GULP1: variants seen among roughly 807,000 people sequenced by gnomAD.
The protein encoded by GULP1 is GULP PTB domain containing engulfment adaptor 1.
A neutral mutation model predicts 40.9 loss-of-function variants in GULP1; 19 were observed. That is an observed-to-expected ratio of 0.46 (90% confidence interval 0.32 to 0.68). The LOEUF is 0.68. Ranked by LOEUF, GULP1 falls within the 30% of genes least tolerant of loss-of-function variation. The pLI, the probability that GULP1 is intolerant of heterozygous loss-of-function variation, is 0.03. For missense variants in GULP1, 312 were observed against 362.2 expected, an observed-to-expected ratio of 0.86 and a Z score of 1.12; for synonymous variants, 119 against 117.6, an observed-to-expected ratio of 1.01 and a Z score of -0.08.
At chr2:188,457,013 C>T (rs528879197) in intron 2 of GULP1, among the ~76,000 whole-genome samples, 40 of 152,218 alleles carry the variant, frequency 2.6e-4, no homozygotes, top group African/African-American at 9.4e-4. Context: ...TGGTTTTGGT[C>T]AGTTTCTCCC....
intron 6 of GULP1, among the ~76,000 whole-genome samples, chr2:188,539,186 G>A (rs1184501036): frequency 6.6e-6 from 1 of 152,066 alleles, no homozygotes; most frequent in East Asian, 1.9e-4. Flanking sequence ...CACCAGCTAA[G>A]TGAATGTTGT....
In GULP1 at chr2:188,488,281, G is replaced by T. The variant is rs374647645; in HGVS notation, c.90+4789G>T. 4.6e-5 allele frequency among the ~76,000 whole-genome samples: 7 copies of T among 151,890 alleles called. No homozygotes were observed. In the East Asian group the frequency reaches 1.4e-3, roughly 30 times the overall value. ...ACAGTAATTAGAGCAGCCATTTCTG[G>T]GTCAAACTATTTGGGTTCAAACTTC... is the stretch of plus-strand genomic sequence containing the variant. On this transcript the variant is annotated intron_variant, in intron 4 of 11. Transcript: ENST00000409830.
At chr2:188,561,060 C>T (rs1363444926) in intron 7 of GULP1, among the ~76,000 whole-genome samples, 2 of 152,226 alleles carry the variant, frequency 1.3e-5, no homozygotes, top group Non-Finnish European at 2.9e-5. Context: ...GTGAGATCTG[C>T]CATTTCCTTG....
chr2:188,535,775 TC>T (rs1688785064), intron 6 of GULP1, among the ~76,000 whole-genome samples: 3 of 152,010 alleles, frequency 2.0e-5, no homozygotes, highest in Non-Finnish European at 4.4e-5. Flanking sequence ...TCTCCAAACT[TC>T]TCTCCATAGT....
At chr2:188,323,376 A>C (rs2040274032) in intron 1 of GULP1, among the ~76,000 whole-genome samples, 2 of 152,046 alleles carry the variant, frequency 1.3e-5, no homozygotes. Context: ...AACTGCCCTG[A>C]ACATAGGCTG....
intron 8 of GULP1, chr2:188,569,643 G>C (rs1698603206): frequency 5.1e-6 from 2 of 392,554 alleles, no homozygotes; most frequent in Non-Finnish European, 9.2e-6. Flanking sequence ...GCAGATGCTG[G>C]GTAAGTGGTT....
chr2:188,448,898 C>T (rs1311306041), intron 2 of GULP1, among the ~76,000 whole-genome samples: 4 of 152,186 alleles, frequency 2.6e-5, no homozygotes, highest in African/African-American at 9.7e-5. Context: ...TGCAACATGC[C>T]TGCTCCTGTT....
intron 7 of GULP1, among the ~76,000 whole-genome samples, chr2:188,568,177 CA>C (rs773769797): frequency 3.9e-5 from 6 of 152,012 alleles, no homozygotes; most frequent in Non-Finnish European, 2.9e-5. Context: ...AGATGATTAA[CA>C]AAGCATGTTT....
chr2:188,427,436 A>T (rs1056039950), intron 2 of GULP1, among the ~76,000 whole-genome samples: 15 of 152,228 alleles, frequency 9.9e-5, no homozygotes, highest in Middle Eastern at 3.2e-3. Flanking sequence ...AGCTCCTCCC[A>T]TTACAGGCAT....
chr2:188,386,991 C>T (rs1232177228), intron 2 of GULP1, among the ~76,000 whole-genome samples: 1 of 152,068 alleles, frequency 6.6e-6, no homozygotes, highest in African/African-American at 2.4e-5. Context: ...TAATCCTGCA[C>T]TTTGGGAGGC....
chr2:188,413,167 A>G (rs1170315087), intron 2 of GULP1, among the ~76,000 whole-genome samples: 1 of 152,190 alleles, frequency 6.6e-6, no homozygotes, highest in Non-Finnish European at 1.5e-5. Flanking sequence ...ATAATATGAG[A>G]TGCATAAGAG....
At chr2:188,488,353 GTT>G (rs935370733) in intron 4 of GULP1, among the ~76,000 whole-genome samples, 2 of 152,006 alleles carry the variant, frequency 1.3e-5, no homozygotes, top group South Asian at 4.2e-4. Context: ...CTGTCCTTGA[GTT>G]TTTTTACTTG....
At chr2:188,531,791 A>C (rs535674017) in intron 6 of GULP1, among the ~76,000 whole-genome samples, 13 of 152,240 alleles carry the variant, frequency 8.5e-5, no homozygotes, top group Non-Finnish European at 1.8e-4. Flanking sequence ...AAATTACAGA[A>C]GGACAATGCA....
intron 2 of GULP1, among the ~76,000 whole-genome samples, chr2:188,398,746 C>T (rs1193282643): frequency 1.3e-5 from 2 of 152,034 alleles, no homozygotes; most frequent in Admixed American, 6.6e-5. Context: ...TTAGAGGTCA[C>T]ATTCTTTATA....
chr2:188,418,488 C>T (rs1045202692), intron 2 of GULP1, among the ~76,000 whole-genome samples: 1 of 151,976 alleles, frequency 6.6e-6, no homozygotes, highest in African/African-American at 2.4e-5. Flanking sequence ...AAAAAATTAG[C>T]CGGGCATGGT....
intron 2 of GULP1, among the ~76,000 whole-genome samples, chr2:188,397,548 A>C (rs2051464650): frequency 1.3e-5 from 2 of 152,230 alleles, no homozygotes. Flanking sequence ...TGCTGATATG[A>C]AAAATTGAAT....
chr2:188,580,445 T>C (rs62181295), intron 9 of GULP1, among the ~76,000 whole-genome samples: 40 of 149,530 alleles, frequency 2.7e-4, no homozygotes, highest in African/African-American at 7.9e-4. Context: ...CCCAGCTACT[T>C]GGGAGGCTGA....
chr2:188,359,092 G>A (rs2045751332), intron 1 of GULP1, among the ~76,000 whole-genome samples: 1 of 152,010 alleles, frequency 6.6e-6, no homozygotes. Context: ...TTTTTTCACA[G>A]ATAAATTTAG....
intron 10 of GULP1, among the ~76,000 whole-genome samples, chr2:188,586,447 A>G (rs1702390661): frequency 6.6e-6 from 1 of 152,216 alleles, no homozygotes. Context: ...GGAAACCAGG[A>G]CATTTCTCCA....
Sources: allele counts gnomAD v4.1 joint callset (sites outside exome capture counted in the v4.1 genomes callset), GRCh38; gene constraint gnomAD v4.1.1; transcripts MANE v1.5; gene names NCBI Gene and HGNC (gene_info 2026-07-23, HGNC 2026-07-21).